Variants in PLCB4 observed in about 807,000 individuals in gnomAD.
PLCB4 encodes the protein phospholipase C beta 4, also known as 1-phosphatidylinositol 4,5-bisphosphate phosphodiesterase beta-4.
In PLCB4, 77 loss-of-function variants were observed where a neutral mutation model predicts 178.8. That is an observed-to-expected ratio of 0.43 (90% CI 0.36 to 0.52). The LOEUF (loss-of-function observed/expected upper bound fraction) is 0.52. Ranked by LOEUF, PLCB4 falls within the 20% of genes least tolerant of loss-of-function variation. The pLI is 0.00. For synonymous variants in PLCB4, 496 were observed against 490.8 expected (o/e 1.01, Z -0.14); for missense variants, 1,024 against 1,453.4 (o/e 0.70, Z 4.80).
At chr20:9,406,770 C>T (rs1303804067) in intron 21 of PLCB4, among the ~76,000 whole-genome samples, 1 of 152,206 alleles carries the variant, frequency 6.6e-6, no homozygotes, top group Non-Finnish European at 1.5e-5. Context: ...GCTGGGATTA[C>T]AGGCGTGAGC....
intron 2 of PLCB4, among the ~76,000 whole-genome samples, chr20:9,184,599 CAAAA>C (rs56964078): frequency 0.35 from 42,113 of 118,688 alleles, 6,193 homozygotes; most frequent in South Asian, 0.45. Flanking sequence ...CATTGTGCCT[CAAAA>C]AAAAAAAAAA....
At chr20:9,271,771 C>T (rs2147622847) in intron 3 of PLCB4, among the ~76,000 whole-genome samples, 1 of 152,204 alleles carries the variant, frequency 6.6e-6, no homozygotes, top group East Asian at 1.9e-4. Flanking sequence ...CTTTATAACA[C>T]TTGTACCTGG....
intron 2 of PLCB4, among the ~76,000 whole-genome samples, chr20:9,145,405 T>A (rs990252659): frequency 1.3e-5 from 2 of 152,170 alleles, no homozygotes; most frequent in Non-Finnish European, 2.9e-5. Context: ...ATTCTGGGTG[T>A]GTTTTATATT....
At chr20:9,432,749 G>T (rs538785529) in intron 28 of PLCB4, among the ~76,000 whole-genome samples, 1 of 152,186 alleles carries the variant, frequency 6.6e-6, no homozygotes, top group African/African-American at 2.4e-5. Context: ...CGATGAGAAA[G>T]CCATGTGGTT....
At chr20:9,332,384 ATTATGT>A (rs2031810132) in intron 4 of PLCB4, among the ~76,000 whole-genome samples, 1 of 152,038 alleles carries the variant, frequency 6.6e-6, no homozygotes, top group African/African-American at 2.4e-5. Context: ...GGGTAGGGTT[ATTATGT>A]TTGTTAGTAG....
At chr20:9,130,870 T>A (rs2092254908) in intron 2 of PLCB4, among the ~76,000 whole-genome samples, 1 of 152,184 alleles carries the variant, frequency 6.6e-6, no homozygotes, top group Non-Finnish European at 1.5e-5. Flanking sequence ...ATTATGTCCA[T>A]CAAAATAGGG....
At chr20:9,091,298 CTGGGTCATG>C (rs2090669634) in intron 1 of PLCB4, among the ~76,000 whole-genome samples, 1 of 152,050 alleles carries the variant, frequency 6.6e-6, no homozygotes, top group East Asian at 1.9e-4. Context: ...AAGTCACTAT[CTGGGTCATG>C]TGGAACCACA....
intron 1 of PLCB4, among the ~76,000 whole-genome samples, chr20:9,095,009 A>C (rs1366711296): frequency 1.3e-5 from 2 of 152,128 alleles, no homozygotes; most frequent in African/African-American, 4.8e-5. Context: ...AGAGCAAGAG[A>C]GGAAAGGCCC....
intron 3 of PLCB4, among the ~76,000 whole-genome samples, chr20:9,264,189 G>A (rs534247322): frequency 2.5e-4 from 38 of 152,062 alleles, no homozygotes; most frequent in South Asian, 4.2e-4. Flanking sequence ...TTAATATTTC[G>A]GACTTTGAAG....
intron 3 of PLCB4, among the ~76,000 whole-genome samples, chr20:9,278,691 A>G (rs983264552): frequency 1.4e-4 from 22 of 151,976 alleles, no homozygotes; most frequent in African/African-American, 5.1e-4. Context: ...AGGGAGCTGC[A>G]TTGGATCTCA....
intron 4 of PLCB4, among the ~76,000 whole-genome samples, chr20:9,324,856 T>G (rs2030177446): frequency 6.6e-6 from 1 of 151,556 alleles, no homozygotes; most frequent in Non-Finnish European, 1.5e-5. Context: ...GCAGCTCTTG[T>G]GGAAAAAAAA....
At chr20:9,349,229 A>G (rs2034105316) in intron 7 of PLCB4, among the ~76,000 whole-genome samples, 1 of 152,100 alleles carries the variant, frequency 6.6e-6, no homozygotes, top group South Asian at 2.1e-4. Flanking sequence ...CACCACTTCT[A>G]CCTACTTTCA....
At chr20:9,100,575 T>C (rs569209539) in intron 2 of PLCB4, among the ~76,000 whole-genome samples, 59 of 152,294 alleles carry the variant, frequency 3.9e-4, no homozygotes, top group Non-Finnish European at 8.1e-4. Flanking sequence ...AGAATACATA[T>C]ATCAGAATTT....
chr20:9,237,381 G>A (rs1451458704), intron 3 of PLCB4, among the ~76,000 whole-genome samples: 2 of 152,158 alleles, frequency 1.3e-5, no homozygotes, highest in Non-Finnish European at 2.9e-5. Flanking sequence ...AAAGGTGGGT[G>A]ATGAAGATTA....
At chr20:9,445,439 C>T (rs1000628678) in intron 32 of PLCB4, among the ~76,000 whole-genome samples, 5 of 152,198 alleles carry the variant, frequency 3.3e-5, no homozygotes, top group African/African-American at 7.2e-5. Context: ...AATCATTCCA[C>T]GTATTGAGAT....
intron 8 of PLCB4, among the ~76,000 whole-genome samples, chr20:9,365,168 T>C (rs774219076): frequency 6.6e-6 from 1 of 152,172 alleles, no homozygotes; most frequent in Non-Finnish European, 1.5e-5. Flanking sequence ...AAATATGAAT[T>C]TTAGATAAGA....
intron 4 of PLCB4, among the ~76,000 whole-genome samples, chr20:9,315,598 A>G (rs1261555910): frequency 6.6e-6 from 1 of 152,090 alleles, no homozygotes; most frequent in African/African-American, 2.4e-5. Flanking sequence ...GGCAGGCCCT[A>G]TTCAGGAGGT....
chr20:9,242,128 AGGT>A (rs2094070359), intron 3 of PLCB4, among the ~76,000 whole-genome samples: 1 of 152,200 alleles, frequency 6.6e-6, no homozygotes, highest in South Asian at 2.1e-4. Flanking sequence ...ACAAGTCCCA[AGGT>A]GAACCGTAGA....
chr20:9,100,949 C>T (rs2091125484), intron 2 of PLCB4, among the ~76,000 whole-genome samples: 1 of 152,136 alleles, frequency 6.6e-6, no homozygotes, highest in Non-Finnish European at 1.5e-5. Context: ...AGGGATTCCT[C>T]ATCCCAAGCA....
Sources: gnomAD v4.1 joint callset for allele counts (sites outside exome capture counted in the v4.1 genomes callset) on GRCh38, gnomAD v4.1.1 for gene constraint, MANE v1.5 for transcripts, NCBI Gene and HGNC (gene_info 2026-07-23, HGNC 2026-07-21) for gene names.